Variants in NR2F1-AS1 observed in about 807,000 individuals in gnomAD.
NR2F1-AS1 encodes NR2F1 antisense RNA 1.
chr5:93,417,867 AT>A (rs1318901935), intron 4 of NR2F1-AS1, among the ~76,000 whole-genome samples: 8 of 151,922 alleles, frequency 5.3e-5, no homozygotes, highest in African/African-American at 1.9e-4. Context: ...TACACAGGGG[AT>A]TTTTTTTCTC....
upstream of NR2F1-AS1, among the ~76,000 whole-genome samples, chr5:93,581,753 T>C (rs1310486707): frequency 6.7e-5 from 2 of 29,822 alleles, no homozygotes; most frequent in African/African-American, 1.6e-4. Flanking sequence ...CCTCTCCCTC[T>C]CCCTCTCCTC....
In NR2F1-AS1 at chr5:93,526,118, C is replaced by A. The variant is rs545242583; in HGVS notation, n.638+27643G>T. The stretch of plus-strand genomic sequence containing the variant: ...ATAGATAGACTGCTAGCCAGACTAA[C>A]AAAGGAGAAAAGAGAGAAGAATCAA... On this transcript the variant is annotated intron_variant and non_coding_transcript_variant, in intron 4 of 5. Transcript: ENST00000660523. 5.9e-5 allele frequency among the ~76,000 whole-genome samples: 9 copies of A among 151,742 alleles called. No individual in the cohort carries two copies. The East Asian group carries it at 1.7e-3, about 29-fold the overall frequency.
chr5:93,416,343 T>C (rs993158394), intron 4 of NR2F1-AS1, among the ~76,000 whole-genome samples: 2 of 152,224 alleles, frequency 1.3e-5, no homozygotes, highest in Admixed American at 1.3e-4. Context: ...GCCTCTACTT[T>C]TAAAATATTA....
chr5:93,552,215 G>T (rs1407107179), intron 4 of NR2F1-AS1, among the ~76,000 whole-genome samples: 1 of 152,148 alleles, frequency 6.6e-6, no homozygotes, highest in Non-Finnish European at 1.5e-5. Flanking sequence ...CTCTAGAAGA[G>T]ATCTATATCT....
intron 4 of NR2F1-AS1, among the ~76,000 whole-genome samples, chr5:93,439,209 A>T (rs902003815): frequency 2.6e-5 from 4 of 152,224 alleles, no homozygotes; most frequent in South Asian, 2.1e-4. Context: ...TGCCATCTGT[A>T]AGCAATATTA....
At chr5:93,477,163 T>C (rs1435052153) in intron 4 of NR2F1-AS1, among the ~76,000 whole-genome samples, 1 of 152,190 alleles carries the variant, frequency 6.6e-6, no homozygotes, top group Non-Finnish European at 1.5e-5. Flanking sequence ...ATGTATACAA[T>C]GAAAATGTAG....
intron 4 of NR2F1-AS1, among the ~76,000 whole-genome samples, chr5:93,420,275 T>C (rs1283353960): frequency 6.6e-6 from 1 of 152,058 alleles, no homozygotes; most frequent in Non-Finnish European, 1.5e-5. Flanking sequence ...TTAGAGAAAA[T>C]GTGTGCTCTT....
intron 2 of NR2F1-AS1, among the ~76,000 whole-genome samples, chr5:93,560,077 T>C (rs1466171635): frequency 1.3e-5 from 2 of 152,202 alleles, no homozygotes; most frequent in Non-Finnish European, 2.9e-5. Context: ...GCAAATTACT[T>C]AACCATGTTT....
chr5:93,446,566 T>C (rs1403247427), intron 4 of NR2F1-AS1, among the ~76,000 whole-genome samples: 1 of 152,150 alleles, frequency 6.6e-6, no homozygotes, highest in Non-Finnish European at 1.5e-5. Context: ...CACAAACAAA[T>C]GGAAGAACAT....
chr5:93,543,300 T>C (rs1201587224), intron 4 of NR2F1-AS1: 1 of 152,196 alleles, frequency 6.6e-6, no homozygotes, highest in Non-Finnish European at 1.5e-5. Flanking sequence ...ACTTCAGATA[T>C]TAGAATTATC....
intron 4 of NR2F1-AS1, among the ~76,000 whole-genome samples, chr5:93,512,759 T>C (rs1751325584): frequency 6.6e-6 from 1 of 152,192 alleles, no homozygotes; most frequent in African/African-American, 2.4e-5. Context: ...TACAAGTGTC[T>C]ACAGTACTAA....
Position 93,512,016 on chromosome 5 carries a change from T to C in NR2F1-AS1, n.638+41745A>G, listed in dbSNP as rs958689924. Among the ~76,000 whole-genome samples, 6 of 152,224 alleles carry C rather than the reference T, an allele frequency of 3.9e-5. No individual in the cohort carries two copies. In the South Asian group the frequency reaches 1.0e-3, roughly 26 times the overall value. On this transcript the variant is annotated intron_variant and non_coding_transcript_variant, in intron 4 of 5. Coordinates refer to ENST00000660523, the Ensembl canonical transcript of NR2F1-AS1. ...AATAAATGACTATGTTACTGGCTTA[T>C]GTATCAACTAATACTAGACTTTTTA...
At chr5:93,573,664 G>A (rs1012171772) in intron 1 of NR2F1-AS1, among the ~76,000 whole-genome samples, 6 of 152,174 alleles carry the variant, frequency 3.9e-5, no homozygotes, top group African/African-American at 1.4e-4. Flanking sequence ...TGAAAAGTGC[G>A]CGACTAAAGA....
At chr5:93,547,900 T>C (rs943245026) in intron 4 of NR2F1-AS1, among the ~76,000 whole-genome samples, 1 of 152,194 alleles carries the variant, frequency 6.6e-6, no homozygotes, top group Non-Finnish European at 1.5e-5. Context: ...ATTTATGTAA[T>C]GTGAGACACT....
At chr5:93,515,004 T>C (rs1275945572) in intron 4 of NR2F1-AS1, among the ~76,000 whole-genome samples, 1 of 151,984 alleles carries the variant, frequency 6.6e-6, no homozygotes, top group Non-Finnish European at 1.5e-5. Flanking sequence ...TTTTTAATGC[T>C]TTAATGCTTC....
intron 4 of NR2F1-AS1, among the ~76,000 whole-genome samples, chr5:93,427,685 A>G (rs1210251083): frequency 6.6e-6 from 1 of 152,232 alleles, no homozygotes; most frequent in Non-Finnish European, 1.5e-5. Flanking sequence ...GGTCTGTTCA[A>G]GTTCAGACCA....
chr5:93,439,589 C>T (rs765395952), intron 4 of NR2F1-AS1, among the ~76,000 whole-genome samples: 7 of 152,192 alleles, frequency 4.6e-5, no homozygotes, highest in African/African-American at 1.2e-4. Flanking sequence ...CCACTGCGCC[C>T]GGCCAAGGCT....
intron 4 of NR2F1-AS1, among the ~76,000 whole-genome samples, chr5:93,490,166 G>A (rs1580271106): frequency 6.9e-6 from 1 of 145,814 alleles, no homozygotes; most frequent in East Asian, 1.9e-4. Context: ...TAGCTTGTTA[G>A]TTACAGAAAA....
chr5:93,447,774 T>C (rs186897054), intron 4 of NR2F1-AS1, among the ~76,000 whole-genome samples: 6 of 152,228 alleles, frequency 3.9e-5, no homozygotes, highest in Admixed American at 2.0e-4. Flanking sequence ...CTATTCACAA[T>C]AGCAAAGACT....
Sources: allele counts gnomAD v4.1 joint callset (sites outside exome capture counted in the v4.1 genomes callset), GRCh38; gene constraint gnomAD v4.1.1; transcripts MANE v1.5; gene names NCBI Gene and HGNC (gene_info 2026-07-23, HGNC 2026-07-21).